Variants in DNAH12 observed in about 807,000 individuals in gnomAD.
DNAH12 encodes axonemal beta dynein heavy chain 12.
DNAH12 carries 285 observed loss-of-function variants against 371.5 expected under a neutral mutation model. The observed-to-expected ratio is 0.77, with a 90% CI of 0.70 to 0.85. The LOEUF is 0.85. Ranked by LOEUF, DNAH12 falls within the 40% of genes least tolerant of loss-of-function variation. The pLI is 0.00. For missense variants in DNAH12, 3,611 were observed against 3,689.4 expected, an observed-to-expected ratio of 0.98 and a Z score of 0.55; for synonymous variants, 1,200 against 1,213.0, an observed-to-expected ratio of 0.99 and a Z score of 0.22.
chr3:57,361,071 C>T (rs914742121), intron 58 of DNAH12, among the ~76,000 whole-genome samples: 75 of 151,926 alleles, frequency 4.9e-4, no homozygotes, highest in Non-Finnish European at 6.9e-4. Context: ...CATTCAGGGC[C>T]GGGCACGGTG....
intron 11 of DNAH12, among the ~76,000 whole-genome samples, chr3:57,499,692 A>G (rs2067464448): frequency 7.9e-6 from 1 of 126,676 alleles, no homozygotes; most frequent in Non-Finnish European, 1.6e-5. Flanking sequence ...TAAAAAAATT[A>G]GCCAGGCATG....
intron 13 of DNAH12, among the ~76,000 whole-genome samples, chr3:57,473,356 G>A (rs577715004): frequency 1.1e-4 from 16 of 152,108 alleles, no homozygotes; most frequent in Middle Eastern, 6.8e-3. Context: ...GCTTGGTGAC[G>A]CACGTCTGTA....
At chr3:57,408,165 C>G in intron 40 of DNAH12, 115 bp downstream of exon 40, 5 of 1,204,878 alleles carry the variant, frequency 4.1e-6, no homozygotes, top group Non-Finnish European at 5.5e-6. Flanking sequence ...CTCTGGTCTT[C>G]TAAACAGTTT....
intron 11 of DNAH12, among the ~76,000 whole-genome samples, chr3:57,496,594 A>C (rs1379606274): frequency 6.6e-6 from 1 of 152,196 alleles, no homozygotes; most frequent in Admixed American, 6.5e-5. Flanking sequence ...TATATTTCCC[A>C]TAAGACCATA....
Position 57,310,916 on chromosome 3 carries a change from T to C in DNAH12, c.10697A>G (p.Glu3566Gly). ...CTCCCCAGTCAGGTAAGATATAGCT[T>C]CAAATGGAATTGTATCATATTCATT... The part of the protein sequence containing the change: ...FINEYDTIPF[E>G]AISYLTGECN... Residue 3566 changes from glutamate to glycine, a missense_variant, in exon 67 of 74, where the codon GAA becomes GGA. Physicochemically the swap from Glu to Gly is moderately conservative, Grantham distance 98. Around this residue, in one of 3 missense-constraint regions of DNAH12, gnomAD observed 2,266 missense variants for 2,236.9 expected, o/e 1.01. Coordinates refer to ENST00000495027, the MANE Select transcript of DNAH12 (RefSeq NM_001366028.2). 6.4e-7 allele frequency: 1 copy of C among 1,551,400 alleles called. No homozygotes were observed. The highest frequency in any genetic ancestry group is 8.7e-7 in the Non-Finnish European group (1 of 1,146,760).
At chr3:57,452,100 T>C (rs1446916435) in intron 25 of DNAH12, among the ~76,000 whole-genome samples, 2 of 152,152 alleles carry the variant, frequency 1.3e-5, no homozygotes, top group African/African-American at 4.8e-5. Flanking sequence ...TGCCCCTCAG[T>C]TGAATTCTTT....
intron 13 of DNAH12, among the ~76,000 whole-genome samples, chr3:57,480,908 T>C (rs554861071): frequency 1.1e-3 from 170 of 152,288 alleles, no homozygotes; most frequent in African/African-American, 3.4e-3. Context: ...TAGGTATTGA[T>C]GGGACGTATC....
intron 9 of DNAH12, among the ~76,000 whole-genome samples, chr3:57,502,894 G>A (rs866867781): frequency 1.3e-5 from 2 of 151,830 alleles, no homozygotes; most frequent in Non-Finnish European, 2.9e-5. Flanking sequence ...TGGTAAGGCT[G>A]GTCTCGAACT....
chr3:57,483,388 A>G lies in DNAH12; in HGVS notation c.1638T>C (p.Ile546=). The G allele has an allele frequency of 6.5e-7, 1 of 1,544,314 alleles. No individual in the cohort carries two copies. The highest frequency in any genetic ancestry group is 8.7e-7 in the Non-Finnish European group (1 of 1,145,438). The change falls in exon 13 of 74, where the codon ATT becomes ATC. Residue 546 remains isoleucine, a synonymous_variant. Transcript: ENST00000495027. ...TAAAATTCCTTACCTGGATCCTTAA[A>G]ATCAACTCTTCGATTCCTACAGTCC... The part of the protein sequence containing the change: ...KARTVGIEEL[I]LRIQESKRQM...
chr3:57,547,318 A>G (rs1288987007), upstream of DNAH12, among the ~76,000 whole-genome samples: 1 of 144,392 alleles, frequency 6.9e-6, no homozygotes, highest in Non-Finnish European at 1.5e-5. Context: ...TTTTTTTTTT[A>G]CTTTAAAAAA....
chr3:57,338,401 CACTGTCTAGGAAGTGAGGAGCATCTCTG>C, intron 60 of DNAH12, among the ~76,000 whole-genome samples: 3 of 150,350 alleles, frequency 2.0e-5, no homozygotes, highest in Non-Finnish European at 4.4e-5. Flanking sequence ...CCGGCCGCCA[CACTGTCTAGGAAGTGAGGAGCATCTCTG>C]CCTGGCCGCC....
intron 11 of DNAH12, among the ~76,000 whole-genome samples, chr3:57,499,117 A>T (rs1269093455): frequency 6.6e-6 from 1 of 152,216 alleles, no homozygotes; most frequent in East Asian, 1.9e-4. Context: ...GATGCAAAAG[A>T]GTATGTATAT....
At chr3:57,316,984 A>T (rs2153281216) in intron 65 of DNAH12, among the ~76,000 whole-genome samples, 1 of 152,332 alleles carries the variant, frequency 6.6e-6, no homozygotes, top group African/African-American at 2.4e-5. Context: ...AATTCATTTG[A>T]GCCTCAGTTT....
At chr3:57,408,586 G>A in intron 39 of DNAH12, 51 bp from the exon 40 acceptor site, 1 of 1,425,160 alleles carries the variant, frequency 7.0e-7, no homozygotes, top group Non-Finnish European at 9.2e-7. Flanking sequence ...AAGACATTAA[G>A]ATGGGATGAA....
Position 57,293,782 on chromosome 3 carries a change from T to TA in DNAH12, c.11881dup (p.Ter3961LeufsTer7). On this transcript the variant is annotated frameshift_variant and stop_lost, in exon 74 of 74. Transcript: ENST00000495027. LOFTEE classifies it high-confidence loss of function. The stretch of plus-strand genomic sequence containing the variant: ...GGATGTTTTATAAATTTGTCCAATT[T>TA]AGTCATCCAACTGACAAAGCAAAGC... 6.5e-7 allele frequency: 1 copy of TA among 1,548,936 alleles called. No homozygotes were observed. Among genetic ancestry groups the TA allele is most frequent in the Non-Finnish European group, 8.7e-7 (1 of 1,146,190 alleles).
intron 51 of DNAH12, among the ~76,000 whole-genome samples, chr3:57,379,894 A>C (rs1204015260): frequency 1.3e-5 from 2 of 149,300 alleles, no homozygotes; most frequent in African/African-American, 2.4e-5. Context: ...GAACAAATGG[A>C]AACAATGGAA....
intron 55 of DNAH12, among the ~76,000 whole-genome samples, chr3:57,372,774 A>G (rs1211809337): frequency 2.6e-5 from 4 of 152,112 alleles, no homozygotes; most frequent in African/African-American, 9.7e-5. Context: ...CAAATCCAAG[A>G]AGAAAAAGAA....
intron 32 of DNAH12, among the ~76,000 whole-genome samples, 188 bp downstream of exon 32, chr3:57,433,179 A>C (rs868259432): frequency 3.9e-4 from 60 of 152,022 alleles, no homozygotes; most frequent in African/African-American, 1.4e-3. Flanking sequence ...TTCTACAAAA[A>C]AAAAAAAAAA....
chr3:57,532,603 G>T (rs1401333078), intron 2 of DNAH12, among the ~76,000 whole-genome samples: 1 of 152,190 alleles, frequency 6.6e-6, no homozygotes, highest in Non-Finnish European at 1.5e-5. Flanking sequence ...TCACCTTGTG[G>T]TCATGGATAA....
Sources: gnomAD v4.1 joint callset for allele counts (sites outside exome capture counted in the v4.1 genomes callset) on GRCh38, gnomAD v4.1.1 for gene constraint, gnomAD v4.1.1 regional missense constraint, MANE v1.5 for transcripts, NCBI Gene and HGNC (gene_info 2026-07-23, HGNC 2026-07-21) for gene names.